Variants in MAPK8IP1 observed in about 807,000 individuals in gnomAD.
MAPK8IP1 encodes the protein mitogen-activated protein kinase 8 interacting protein 1.
MAPK8IP1 carries 17 observed loss-of-function variants against 72.6 expected under a neutral mutation model. That is an observed-to-expected ratio of 0.23 (90% CI 0.16 to 0.35). The LOEUF (loss-of-function observed/expected upper bound fraction) is 0.35, where lower values mean the gene tolerates loss of function less well. MAPK8IP1 is among the 10% of genes least tolerant of loss of function. The pLI is 1.00. For synonymous variants in MAPK8IP1, 401 were observed against 443.4 expected (o/e 0.90, Z 1.20); for missense variants, 789 against 1,009.7 (o/e 0.78, Z 2.96).
intron 3 of MAPK8IP1, among the ~76,000 whole-genome samples, chr11:45,901,529 A>G (rs1221570678): frequency 6.6e-6 from 1 of 152,082 alleles, no homozygotes; most frequent in Admixed American, 6.5e-5. Flanking sequence ...CTTCTAGGCC[A>G]TAACTTCCCA....
At chr11:45,899,769 C>T (rs1415833756) in intron 2 of MAPK8IP1, among the ~76,000 whole-genome samples, 2 of 152,236 alleles carry the variant, frequency 1.3e-5, no homozygotes, top group African/African-American at 2.4e-5. Context: ...ATCCCTTGCC[C>T]ACCCCACCCC....
chr11:45,902,606 A>T lies in MAPK8IP1; in HGVS notation c.839A>T (p.Glu280Val), dbSNP rs763438283. ...QADVRLEATEEIYLTPVQRPP... is the reference protein window; with the variant it reads ...QADVRLEATEVIYLTPVQRPP... ...GATGTGCGACTAGAGGCCACTGAGG[A>T]GATCTACCTGACCCCAGTGCAGAGG... Residue 280 changes from glutamate to valine, a missense_variant, in exon 5 of 12, where the codon GAG becomes GTG. Coordinates refer to ENST00000241014, the MANE Select transcript of MAPK8IP1 (RefSeq NM_005456.4). This position sits in a 1 kb window ranked among gnomAD's most constrained non-coding sequence, Gnocchi z 9.3. 1 of 1,612,858 alleles carries T rather than the reference A, an allele frequency of 6.2e-7. No homozygotes were observed. Among genetic ancestry groups the T allele is most frequent in the Non-Finnish European group, 8.5e-7 (1 of 1,179,904 alleles).
At chr11:45,897,444 C>T (rs2086617408) in intron 1 of MAPK8IP1, among the ~76,000 whole-genome samples, 1 of 152,210 alleles carries the variant, frequency 6.6e-6, no homozygotes, top group Non-Finnish European at 1.5e-5. Context: ...GTGCAGCCTC[C>T]TGTTCAGGGT....
intron 1 of MAPK8IP1, chr11:45,896,518 G>T: frequency 2.8e-6 from 3 of 1,079,096 alleles, no homozygotes; most frequent in African/African-American, 3.3e-5. Context: ...CCCGACAGGG[G>T]CATTGGAAGG....
At chr11:45,898,834 G>T (rs2086627718) in intron 2 of MAPK8IP1, among the ~76,000 whole-genome samples, 1 of 152,228 alleles carries the variant, frequency 6.6e-6, no homozygotes. Context: ...GAGGTCCCCA[G>T]CACCTGGGTA....
chr11:45,897,984 G>T, intron 1 of MAPK8IP1, 101 bp from the exon 2 acceptor site: 1 of 730,430 alleles, frequency 1.4e-6, no homozygotes, highest in Non-Finnish European at 2.5e-6. Context: ...TCTGGGGGCT[G>T]TGTTTGGCCT....
In MAPK8IP1 at chr11:45,905,196, C is replaced by T. The variant is rs1203498715; in HGVS notation, c.2010C>T (p.Ala670=). The T allele has an allele frequency of 6.2e-6, 10 of 1,613,176 alleles. No homozygotes were observed. The highest frequency in any genetic ancestry group is 1.3e-5 in the African/African-American group (1 of 74,922). The change falls in exon 11 of 12, where the codon GCC becomes GCT. Residue 670 remains alanine (A), a synonymous_variant. Coordinates refer to ENST00000241014, the MANE Select transcript of MAPK8IP1 (RefSeq NM_005456.4). ...ITKHPADHRF[A]CHVFVSEDST... is the part of the protein sequence containing the mutation. Reference sequence around the variant, plus strand: ...AGCACCCCGCCGACCACCGGTTTGCCTGCCACGTCTTTGTGTCTGAAGACT... The same window carrying T: ...AGCACCCCGCCGACCACCGGTTTGCTTGCCACGTCTTTGTGTCTGAAGACT...
At chr11:45,895,777 C>T (rs923971447) in intron 1 of MAPK8IP1, among the ~76,000 whole-genome samples, 2 of 151,992 alleles carry the variant, frequency 1.3e-5, no homozygotes, top group African/African-American at 2.4e-5. Flanking sequence ...CTGGCCTTCT[C>T]GGTGACCATC....
Position 45,905,232 on chromosome 11 carries a change from C to T in MAPK8IP1, c.2046C>T (p.Ala682=), listed in dbSNP as rs953750309. The change falls in exon 11 of 12, where the codon GCC becomes GCT. Residue 682 remains alanine (A), a synonymous_variant. Transcript: ENST00000241014. ...HVFVSEDSTK[A]LAESVGRAFQ... ...TTGTGTCTGAAGACTCCACCAAAGC[C>T]CTGGCAGAGTCCGTGGGGTACGTGT... 1.2e-6 allele frequency: 2 copies of T among 1,612,214 alleles called. No individual in the cohort carries two copies. The highest frequency in any genetic ancestry group is 2.2e-5 in the East Asian group (1 of 44,878).
rs769974831 is a variant in MAPK8IP1 at position 45,902,730 on chromosome 11, G to T, written c.963G>T (p.Thr321=). The change falls in exon 5 of 12, where the codon ACG becomes ACT. Residue 321 remains threonine, a synonymous_variant. Transcript: ENST00000241014. The surrounding 1 kb of genome is among the most constrained non-coding windows in gnomAD (Gnocchi z 9.3). The stretch of plus-strand genomic sequence containing the variant: ...CAGACCCTGCCGCCTACCCCTCCAC[G>T]GCAGGGCGGCCGCACCCCTCCATCA... The part of the protein sequence containing the change: ...SDPDPAAYPS[T]AGRPHPSISE... The T allele has an allele frequency of 6.2e-7, 1 of 1,606,484 alleles. No homozygotes were observed. The highest frequency in any genetic ancestry group is 8.5e-7 in the Non-Finnish European group (1 of 1,179,154).
chr11:45,902,919 G>T lies in MAPK8IP1; in HGVS notation c.1152G>T (p.Val384=). 6.2e-7 allele frequency: 1 copy of T among 1,610,410 alleles called. No individual in the cohort carries two copies. The highest frequency in any genetic ancestry group is 1.1e-5 in the South Asian group (1 of 90,496). Residue 384 remains valine, a synonymous_variant, in exon 5 of 12, where the codon GTG becomes GTT. Transcript: ENST00000241014. The surrounding 1 kb of genome is among the most constrained non-coding windows in gnomAD (Gnocchi z 9.3). ...LSYDSVKYTL[V]VDEHAQLELV... is the part of the protein sequence containing the mutation. ...ATGACTCTGTCAAGTACACGCTGGTGGTAGATGAGCATGCACAGCTGGAGC... is the reference window on the plus strand; with the variant it reads ...ATGACTCTGTCAAGTACACGCTGGTTGTAGATGAGCATGCACAGCTGGAGC...
intron 1 of MAPK8IP1, among the ~76,000 whole-genome samples, chr11:45,897,651 C>T (rs78761698): frequency 0.024 from 3,631 of 152,318 alleles, 143 homozygotes; most frequent in African/African-American, 0.083. Context: ...AGGCTGCTGC[C>T]GGCGCCTCGG....
intron 1 of MAPK8IP1, among the ~76,000 whole-genome samples, chr11:45,897,302 G>A (rs1435381040): frequency 6.6e-6 from 1 of 152,044 alleles, no homozygotes. Context: ...TCTGAGGTGG[G>A]GACTCAGGGC....
At chr11:45,888,124 A>G (rs1396684180) in intron 1 of MAPK8IP1, among the ~76,000 whole-genome samples, 2 of 152,218 alleles carry the variant, frequency 1.3e-5, no homozygotes, top group Non-Finnish European at 2.9e-5. Context: ...GAGTGTTTCA[A>G]GGGCTGAGGA....
At chr11:45,891,298 G>C (rs1247786949) in intron 1 of MAPK8IP1, among the ~76,000 whole-genome samples, 2 of 152,178 alleles carry the variant, frequency 1.3e-5, no homozygotes, top group Non-Finnish European at 2.9e-5. Context: ...CCCCACTCTT[G>C]TATTCATTCC....
chr11:45,896,938 A>G (rs1258456365), intron 1 of MAPK8IP1: 1 of 1,574,014 alleles, frequency 6.4e-7, no homozygotes, highest in Non-Finnish European at 8.6e-7. Flanking sequence ...TTGGAGGATC[A>G]ATGGGAGCGC....
intron 1 of MAPK8IP1, among the ~76,000 whole-genome samples, chr11:45,886,380 C>T (rs1418172092): frequency 6.6e-6 from 1 of 152,210 alleles, no homozygotes; most frequent in Non-Finnish European, 1.5e-5. Flanking sequence ...AGCCCCTCCC[C>T]GAGCCCTGCC....
chr11:45,905,092 T>C (rs2086694639), intron 10 of MAPK8IP1, 51 bp downstream of exon 10: 1 of 1,612,154 alleles, frequency 6.2e-7, no homozygotes, highest in Non-Finnish European at 8.5e-7. Flanking sequence ...TCTGCAGCCT[T>C]GAGGTGGGTG....
In MAPK8IP1 at chr11:45,900,072, G is replaced by A; in HGVS notation, c.208-66G>A. 3.9e-6 allele frequency: 4 copies of A among 1,014,052 alleles called. No homozygotes were observed. The highest frequency in any genetic ancestry group is 4.9e-6 in the Non-Finnish European group (4 of 811,076). 62.8% of individuals were successfully genotyped at this position (1,014,052 alleles called of 1,614,324 possible). A position where few individuals can be genotyped will look rare whatever the true frequency, so the allele number is the denominator to read the frequency against. ...ACAGAATGGACTCGCCCGGGCGGGGGGCGGTGCAAGCGGCCTCGGCCCCGC... is the reference window on the plus strand; with the variant it reads ...ACAGAATGGACTCGCCCGGGCGGGGAGCGGTGCAAGCGGCCTCGGCCCCGC... On this transcript the variant is annotated intron_variant, in intron 2 of 11. Transcript: ENST00000241014. This position sits in a 1 kb window ranked among gnomAD's most constrained non-coding sequence, Gnocchi z 6.5.
Sources: gnomAD v4.1 joint callset for allele counts (sites outside exome capture counted in the v4.1 genomes callset) on GRCh38, gnomAD v4.1.1 for gene constraint, Gnocchi (gnomAD v3.1) non-coding constraint, MANE v1.5 for transcripts, NCBI Gene and HGNC (gene_info 2026-07-23, HGNC 2026-07-21) for gene names.